Variants in BCAS3 observed in about 807,000 individuals in gnomAD.
The protein encoded by BCAS3 is BCAS3 microtubule associated cell migration factor.
In BCAS3, 53 loss-of-function variants were observed where a neutral mutation model predicts 116.1. That is an observed-to-expected ratio of 0.46 (90% confidence interval 0.37 to 0.57). The LOEUF is 0.57. Among genes scored for constraint, BCAS3 ranks in the 20% least tolerant of loss-of-function variants. BCAS3 has a pLI of 0.00. For missense variants in BCAS3, 917 were observed against 1,165.4 expected (o/e 0.79, Z 3.10); for synonymous variants, 391 against 408.2 (o/e 0.96, Z 0.51).
At chr17:60,703,933 A>G (rs1350337288) in intron 4 of BCAS3, among the ~76,000 whole-genome samples, 1 of 151,714 alleles carries the variant, frequency 6.6e-6, no homozygotes, top group Non-Finnish European at 1.5e-5. Flanking sequence ...AAAAAAGAAA[A>G]AAAGAAAAAA....
rs994744585 is a variant in BCAS3, at chr17:61,204,195, C to T, written c.2425+119631C>T. ...TTTCACAGAGGGAGAGAAACTCTCC[C>T]TCCTCTTTCAGTGTTTTATTTTTAA... On this transcript the variant is annotated intron_variant, in intron 22 of 23. Transcript: ENST00000407086. This position sits in a 1 kb window ranked among gnomAD's most constrained non-coding sequence, Gnocchi z 4.2. Among the ~76,000 whole-genome samples, 1 of 152,182 alleles carries T rather than the reference C, an allele frequency of 6.6e-6. No individual in the cohort carries two copies. Among genetic ancestry groups the T allele is most frequent in the Non-Finnish European group, 1.5e-5 (1 of 68,030 alleles).
At position 61,248,661 on chromosome 17, in the gene BCAS3, C is replaced by G. The variant is rs189649292; in HGVS notation, c.2426-119666C>G. On this transcript the variant is annotated intron_variant, in intron 22 of 23. Transcript: ENST00000407086. This position sits in a 1 kb window ranked among gnomAD's most constrained non-coding sequence, Gnocchi z 4.3. ...GAAGTGTATCATGGTGGGAATTTAG[C>G]CAGCTTTGTGGCAGATGACCAACCC... is the stretch of plus-strand genomic sequence containing the variant. Among the ~76,000 whole-genome samples the G allele has an allele frequency of 3.9e-5, 6 of 152,292 alleles. No homozygotes were observed. The East Asian group carries it at 9.7e-4, about 25-fold the overall frequency.
At chr17:60,992,451 CA>C (rs2063586235) in intron 15 of BCAS3, among the ~76,000 whole-genome samples, 1 of 152,000 alleles carries the variant, frequency 6.6e-6, no homozygotes, top group Non-Finnish European at 1.5e-5. Context: ...GCTCTAGATG[CA>C]AAAGGTCATT....
chr17:61,335,652 G>T (rs1324315343), intron 22 of BCAS3, among the ~76,000 whole-genome samples: 1 of 152,190 alleles, frequency 6.6e-6, no homozygotes, highest in Non-Finnish European at 1.5e-5. Context: ...GGAGGCTGAG[G>T]CAGGAGGATC....
chr17:60,739,960 A>G (rs1482289724), intron 5 of BCAS3, among the ~76,000 whole-genome samples: 1 of 151,494 alleles, frequency 6.6e-6, no homozygotes, highest in Non-Finnish European at 1.5e-5. Context: ...AAGGCAATGT[A>G]ATTCTTATCC....
chr17:60,925,840 T>A lies in BCAS3; in HGVS notation c.1087+1340T>A, dbSNP rs201558249. ...AAATGCTTGGGACTAGAAGTCTTTC[T>A]GATTTTAGATTTTTTTTTTTTGATT... On this transcript the variant is annotated intron_variant, in intron 13 of 23. Coordinates refer to ENST00000407086, the MANE Select transcript of BCAS3 (RefSeq NM_017679.5). 3.6e-5 allele frequency among the ~76,000 whole-genome samples: 5 copies of A among 140,774 alleles called. No individual in the cohort carries two copies. The East Asian group carries it at 9.8e-4, about 27-fold the overall frequency. The allele number at this position is 140,774 out of a possible 152,430, so 92.4% of individuals were successfully genotyped here.
At chr17:61,154,230 A>G (rs1042753520) in intron 22 of BCAS3, among the ~76,000 whole-genome samples, 3 of 152,180 alleles carry the variant, frequency 2.0e-5, no homozygotes, top group Non-Finnish European at 4.4e-5. Flanking sequence ...AGGAGGAGAG[A>G]AGAAAACTCA....
chr17:60,985,885 C>T (rs1467195851), intron 14 of BCAS3, among the ~76,000 whole-genome samples: 4 of 152,120 alleles, frequency 2.6e-5, no homozygotes, highest in Middle Eastern at 3.2e-3. Context: ...TACAGGCGCA[C>T]GCCAACACAC....
chr17:61,267,884 G>A (rs528659243), intron 22 of BCAS3, among the ~76,000 whole-genome samples: 7 of 152,050 alleles, frequency 4.6e-5, no homozygotes, highest in South Asian at 2.1e-4. Flanking sequence ...TCTCCTCCAC[G>A]TCCGAGAACC....
At chr17:60,713,489 T>G (rs2038179707) in intron 5 of BCAS3, among the ~76,000 whole-genome samples, 1 of 152,184 alleles carries the variant, frequency 6.6e-6, no homozygotes, top group East Asian at 1.9e-4. Context: ...TCTATATACG[T>G]GTGTTGCGCA....
In BCAS3 at chr17:61,322,794, CAGAGAGAGAGAGAGAG is replaced by C. The variant is rs35581770; in HGVS notation, c.2426-45513_2426-45498del. ...TTAAGCCTCTCTTGAGAGAGAGAGA[CAGAGAGAGAGAGAGAG>C]AGAGAGAGAGAGAGAGAGACAGAGA... On this transcript the variant is annotated intron_variant, in intron 22 of 23. Transcript: ENST00000407086. 1.0e-4 allele frequency among the ~76,000 whole-genome samples: 10 copies of C among 99,688 alleles called. No homozygotes were observed. In the East Asian group the frequency reaches 1.4e-3, roughly 14 times the overall value. 65.4% of individuals were successfully genotyped at this position (99,688 alleles called of 152,430 possible). A position where few individuals can be genotyped will look rare whatever the true frequency, so the allele number is the denominator to read the frequency against.
chr17:60,847,108 A>G (rs75797694), intron 7 of BCAS3, among the ~76,000 whole-genome samples: 1 of 152,154 alleles, frequency 6.6e-6, no homozygotes, highest in Non-Finnish European at 1.5e-5. Context: ...CTCACTTAGC[A>G]TAATGTTTGG....
At chr17:60,812,334 A>G (rs1236514500) in intron 7 of BCAS3, among the ~76,000 whole-genome samples, 1 of 152,222 alleles carries the variant, frequency 6.6e-6, no homozygotes, top group East Asian at 1.9e-4. Context: ...TTGCAAAAAA[A>G]TGTGACTTAA....
In BCAS3 at chr17:61,276,668, A is replaced by G. The variant is rs1783609655; in HGVS notation, c.2426-91659A>G. ...CAAAATGATCTCTATCAAAATCTCTATCAAATAAGCTGACTTATTTGCAGA... is the reference window on the plus strand; with the variant it reads ...CAAAATGATCTCTATCAAAATCTCTGTCAAATAAGCTGACTTATTTGCAGA... On this transcript the variant is annotated intron_variant, in intron 22 of 23. Coordinates refer to ENST00000407086, the MANE Select transcript of BCAS3 (RefSeq NM_017679.5). The surrounding 1 kb of genome is among the most constrained non-coding windows in gnomAD (Gnocchi z 4.2). 6.6e-6 allele frequency among the ~76,000 whole-genome samples: 1 copy of G among 152,198 alleles called. No individual in the cohort carries two copies. Among genetic ancestry groups the G allele is most frequent in the Non-Finnish European group, 1.5e-5 (1 of 68,034 alleles).
chr17:61,340,405 A>G (rs561221940), intron 22 of BCAS3, among the ~76,000 whole-genome samples: 10 of 152,244 alleles, frequency 6.6e-5, no homozygotes, highest in African/African-American at 1.7e-4. Context: ...TGAAGCCGTC[A>G]TCTAAGCCCT....
Position 61,297,143 on chromosome 17 carries a change from A to G in BCAS3, c.2426-71184A>G, listed in dbSNP as rs185538013. Among the ~76,000 whole-genome samples the G allele has an allele frequency of 1.0e-3, 157 of 152,324 alleles. 4 individuals carry two copies. Among genetic ancestry groups the G allele is most frequent in the Admixed American group, 9.2e-3 (140 of 15,296 alleles). Reference sequence around the variant, plus strand: ...TAGGAGGAATGGAGAGGAGGCTCCAACATGGGAAAGGAAATTCAGGGGCTC... The same window carrying G: ...TAGGAGGAATGGAGAGGAGGCTCCAGCATGGGAAAGGAAATTCAGGGGCTC... On this transcript the variant is annotated intron_variant, in intron 22 of 23. Transcript: ENST00000407086.
At chr17:60,983,629 C>G (rs1044628851) in intron 14 of BCAS3, among the ~76,000 whole-genome samples, 2 of 152,116 alleles carry the variant, frequency 1.3e-5, no homozygotes, top group Non-Finnish European at 2.9e-5. Flanking sequence ...GTTACTAACA[C>G]CACCTCTATA....
intron 20 of BCAS3, among the ~76,000 whole-genome samples, chr17:61,076,315 C>T (rs898307103): frequency 3.3e-5 from 5 of 152,114 alleles, no homozygotes; most frequent in African/African-American, 1.2e-4. Flanking sequence ...TCATTTCTTT[C>T]TCAAGGAGGG....
chr17:61,016,892 A>T (rs971910484), intron 16 of BCAS3: 2 of 152,206 alleles, frequency 1.3e-5, no homozygotes, highest in Admixed American at 1.3e-4. Context: ...AGTCTCAGGG[A>T]CAAGGCCTTT....
Sources: gnomAD v4.1 joint callset for allele counts (sites outside exome capture counted in the v4.1 genomes callset) on GRCh38, gnomAD v4.1.1 for gene constraint, Gnocchi (gnomAD v3.1) non-coding constraint, MANE v1.5 for transcripts, NCBI Gene and HGNC (gene_info 2026-07-23, HGNC 2026-07-21) for gene names.